Variants in USF3 observed in about 807,000 individuals in gnomAD.
USF3 encodes the protein basic helix-loop-helix domain-containing protein USF3.
USF3 carries 29 observed loss-of-function variants against 157.5 expected under a neutral mutation model. The ratio of observed to expected loss-of-function variants is 0.18; its 90% CI spans 0.14 to 0.25. The LOEUF (loss-of-function observed/expected upper bound fraction) is 0.25, where lower values mean the gene tolerates loss of function less well. Ranked by LOEUF, USF3 falls within the 10% of genes least tolerant of loss-of-function variation. USF3 has a pLI of 1.00. For synonymous variants in USF3, 893 were observed against 941.4 expected (o/e 0.95, Z 0.94); for missense variants, 2,381 against 2,667.6 (o/e 0.89, Z 2.37).
intron 1 of USF3, among the ~76,000 whole-genome samples, chr3:113,690,023 C>A (rs1229327214): frequency 6.6e-6 from 1 of 152,212 alleles, no homozygotes; most frequent in African/African-American, 2.4e-5. Context: ...TCAACTCTGA[C>A]TTTGCCCCTA....
At chr3:113,681,029 T>G (rs540906442) in intron 1 of USF3, among the ~76,000 whole-genome samples, 1 of 152,140 alleles carries the variant, frequency 6.6e-6, no homozygotes, top group Non-Finnish European at 1.5e-5. Context: ...CAGGCTAGAG[T>G]GCAGTGGTGT....
At chr3:113,662,262 T>C (rs1398599198) in intron 6 of USF3, among the ~76,000 whole-genome samples, 3 of 152,222 alleles carry the variant, frequency 2.0e-5, no homozygotes, top group Non-Finnish European at 4.4e-5. Context: ...AAAGAAAGCA[T>C]CGACAATGGA....
In USF3 at chr3:113,686,341, A is replaced by G. The variant is rs373025924; in HGVS notation, c.-134-8944T>C. Among the ~76,000 whole-genome samples the G allele has an allele frequency of 7.9e-5, 12 of 152,296 alleles. No homozygotes were observed. The East Asian group carries it at 2.1e-3, about 27-fold the overall frequency. On this transcript the variant is annotated intron_variant, in intron 1 of 6. Coordinates refer to ENST00000316407, the MANE Select transcript of USF3 (RefSeq NM_001009899.4). ...CCCCAAGCACAGCGATTCTCTCTGC[A>G]TGGCTGGGGAAGGGGGGAAGGGTGG...
chr3:113,672,645 C>A (rs1474747222), intron 4 of USF3, among the ~76,000 whole-genome samples: 1 of 151,934 alleles, frequency 6.6e-6, no homozygotes, highest in Non-Finnish European at 1.5e-5. Context: ...GACTTTTTAC[C>A]CCCTGCAGAA....
At chr3:113,663,406 T>A (rs1947516788) in intron 6 of USF3, among the ~76,000 whole-genome samples, 1 of 152,210 alleles carries the variant, frequency 6.6e-6, no homozygotes, top group Admixed American at 6.5e-5. Context: ...TTTATCTATC[T>A]GACGGCATCA....
rs1947382508 is a variant in USF3 at position 113,657,309 on chromosome 3, A to C, written c.4373T>G (p.Leu1458Arg). ...QGVSHLHSNH[L>R]YIKQQQQQQQ... is the part of the protein sequence containing the mutation. ...CTGCTGCTGCTGCTGCTTTATGTAG[A>C]GATGGTTACTATGAAGGTGAGATAC... Residue 1458 changes from leucine to arginine, a missense_variant, in exon 7 of 7, where the codon CTC (leucine) becomes CGC (arginine). This residue lies in a region of USF3 where 1,435 missense variants were observed against 1,550.9 expected (regional missense o/e 0.93). Coordinates refer to ENST00000316407, the MANE Select transcript of USF3 (RefSeq NM_001009899.4). The C allele has an allele frequency of 6.2e-7, 1 of 1,612,870 alleles. No homozygotes were observed. The highest frequency in any genetic ancestry group is 1.1e-5 in the South Asian group (1 of 90,976).
chr3:113,691,622 G>C (rs1459732524), intron 1 of USF3, among the ~76,000 whole-genome samples: 1 of 152,182 alleles, frequency 6.6e-6, no homozygotes, highest in Non-Finnish European at 1.5e-5. Flanking sequence ...ATCTTGCTGA[G>C]GCTGAGTTAG....
chr3:113,683,118 T>G (rs1390152200), intron 1 of USF3, among the ~76,000 whole-genome samples: 2 of 152,070 alleles, frequency 1.3e-5, no homozygotes, highest in African/African-American at 4.8e-5. Context: ...GCGTATTTAT[T>G]GTATTTTTCT....
At chr3:113,674,375 C>G (rs1410269617) in intron 3 of USF3, among the ~76,000 whole-genome samples, 1 of 151,404 alleles carries the variant, frequency 6.6e-6, no homozygotes, top group Non-Finnish European at 1.5e-5. Context: ...GAGATGGAGT[C>G]TCTGTCACCC....
chr3:113,661,385 G>T lies in USF3; in HGVS notation c.297C>A (p.Ile99=). ...CAATATATCGGCCATTTTCTTTTTG[G>T]ATTTCTTCCAGTTGTTTCCGTAGCT... The part of the protein sequence containing the change: ...IKKLRKQLEE[I]QKENGRYIEL... Residue 99 remains isoleucine (I), a synonymous_variant, in exon 7 of 7, where the codon ATC becomes ATA. Transcript: ENST00000316407. 6.3e-7 allele frequency: 1 copy of T among 1,576,618 alleles called. No individual in the cohort carries two copies. Among genetic ancestry groups the T allele is most frequent in the South Asian group, 1.2e-5 (1 of 83,442 alleles).
chr3:113,655,755 T>C lies in USF3; in HGVS notation c.5927A>G (p.Gln1976Arg). ...GTCTTGCAGGGGATGCCTTGATCTC[T>C]GGGGAACTGAAGAATTAGCTTGACG... ...AVRQANSSVP[Q>R]RSRHPLQDSS... The change falls in exon 7 of 7, where the codon CAG (glutamine) becomes CGG (arginine). Residue 1976 changes from glutamine to arginine, a missense_variant. Physicochemically the swap from Gln to Arg is conservative, Grantham distance 43. Transcript: ENST00000316407. The C allele has an allele frequency of 1.2e-6, 2 of 1,614,068 alleles. No individual in the cohort carries two copies. Among genetic ancestry groups the C allele is most frequent in the Non-Finnish European group, 1.7e-6 (2 of 1,180,014 alleles).
In USF3 at chr3:113,660,873, G is replaced by A. The variant is rs114838141; in HGVS notation, c.809C>T (p.Ser270Phe). Residue 270 changes from serine (S) to phenylalanine (F), a missense_variant, in exon 7 of 7, where the codon TCT becomes TTT. Physicochemically the swap from Ser to Phe is radical, Grantham distance 155. Coordinates refer to ENST00000316407, the MANE Select transcript of USF3 (RefSeq NM_001009899.4). The stretch of plus-strand genomic sequence containing the variant: ...TTGATCATTTAGGCATGTGTGCAAA[G>A]AATGATGTTGGTGAGGCTCAGATTC... ...SIESEPHQHHSLHTCLNDQNS... is the reference protein window; with the variant it reads ...SIESEPHQHHFLHTCLNDQNS... 7.6e-4 allele frequency: 1,220 copies of A among 1,614,116 alleles called. 13 individuals are homozygous for A. In the African/African-American group the frequency reaches 0.015, roughly 19 times the overall value.
In USF3 at chr3:113,659,743, T is replaced by G. The variant is rs374317802; in HGVS notation, c.1939A>C (p.Asn647His). Residue 647 changes from asparagine to histidine, a missense_variant, in exon 7 of 7, where the codon AAC (asparagine) becomes CAC (histidine). This residue lies in a region of USF3 where 1,435 missense variants were observed against 1,550.9 expected (regional missense o/e 0.93). Coordinates refer to ENST00000316407, the MANE Select transcript of USF3 (RefSeq NM_001009899.4). ...GTAACAGAAAAAGTTTGTGTTGAGT[T>G]AGACGCTGATAAAGATGAAGGTCTT... is the stretch of plus-strand genomic sequence containing the variant. The part of the protein sequence containing the change: ...LPRPSSLSAS[N>H]STQTFSVTMS... The G allele has an allele frequency of 1.2e-5, 20 of 1,614,148 alleles. No individual in the cohort carries two copies. In the Admixed American group the frequency reaches 1.8e-4, roughly 15 times the overall value.
rs1452563780 is a variant in USF3 at position 113,651,290 on chromosome 3, T to C, written c.*3654A>G. 2.6e-5 allele frequency: 4 copies of C among 152,234 alleles called. No homozygotes were observed. Among genetic ancestry groups the C allele is most frequent in the Admixed American group, 2.0e-4 (3 of 15,288 alleles). 9.4% of individuals were successfully genotyped at this position (152,234 alleles called of 1,614,324 possible). A position where few individuals can be genotyped will look rare whatever the true frequency, so the allele number is the denominator to read the frequency against. On this transcript the variant is annotated 3_prime_UTR_variant, in exon 7 of 7. Coordinates refer to ENST00000316407, the MANE Select transcript of USF3 (RefSeq NM_001009899.4). ...AAAATTTAAATCAATTCTGAACTAATTTTGTTTCAAGAAATTCTTGTTGCT... is the reference window on the plus strand; with the variant it reads ...AAAATTTAAATCAATTCTGAACTAACTTTGTTTCAAGAAATTCTTGTTGCT...
chr3:113,662,722 C>T (rs1220787150), intron 6 of USF3, among the ~76,000 whole-genome samples: 9 of 152,118 alleles, frequency 5.9e-5, no homozygotes, highest in South Asian at 2.1e-4. Flanking sequence ...TTAATAACAA[C>T]GACAACTATA....
intron 1 of USF3, among the ~76,000 whole-genome samples, chr3:113,694,898 T>C (rs1310349666): frequency 6.6e-6 from 1 of 152,078 alleles, no homozygotes; most frequent in Non-Finnish European, 1.5e-5. Context: ...AAATAAAAAT[T>C]AGCTGGGCTG....
chr3:113,679,228 A>C (rs1707354111), intron 1 of USF3, among the ~76,000 whole-genome samples: 1 of 152,026 alleles, frequency 6.6e-6, no homozygotes. Flanking sequence ...AGTAGTTTTC[A>C]AGTGTGGTGC....
chr3:113,649,653 G>GGA lies in USF3; in HGVS notation c.*5289_*5290dup, dbSNP rs1947227011. The GGA allele has an allele frequency of 1.8e-6, 1 of 554,824 alleles. No individual in the cohort carries two copies. The highest frequency in any genetic ancestry group is 1.9e-5 in the African/African-American group (1 of 52,478). 34.4% of individuals were successfully genotyped at this position (554,824 alleles called of 1,614,324 possible). ...CCAGCTGGCCCTTTGCTATAACAGA[G>GGA]GAGTGGGTGAGTGATATGTTCCAAC... is the stretch of plus-strand genomic sequence containing the variant. On this transcript the variant is annotated 3_prime_UTR_variant, in exon 7 of 7. Coordinates refer to ENST00000316407, the MANE Select transcript of USF3 (RefSeq NM_001009899.4).
chr3:113,655,378 C>G lies in USF3; in HGVS notation c.6304G>C (p.Asp2102His). 6.2e-7 allele frequency: 1 copy of G among 1,614,076 alleles called. No individual in the cohort carries two copies. Among genetic ancestry groups the G allele is most frequent in the Non-Finnish European group, 8.5e-7 (1 of 1,180,000 alleles). Residue 2102 changes from aspartate to histidine, a missense_variant, in exon 7 of 7, where the codon GAT becomes CAT. Physicochemically the swap from Asp to His is moderately conservative, Grantham distance 81. This residue lies in a region of USF3 where 770 missense variants were observed against 824.2 expected (regional missense o/e 0.93). Transcript: ENST00000316407. ...AAGGAGGGCAGAGTATTTTGCGGAT[C>G]TACCGGGATGAGGGCTGGAGTTCGA... is the stretch of plus-strand genomic sequence containing the variant. Reference protein sequence around the residue: ...ATRTPALIPVDPQNTLPSFYP... With the variant: ...ATRTPALIPVHPQNTLPSFYP...
Sources: gnomAD v4.1 joint callset for allele counts (sites outside exome capture counted in the v4.1 genomes callset) on GRCh38, gnomAD v4.1.1 for gene constraint, gnomAD v4.1.1 regional missense constraint, MANE v1.5 for transcripts, NCBI Gene and HGNC (gene_info 2026-07-23, HGNC 2026-07-21) for gene names.